The following RALYL variants were observed in gnomAD, a reference collection of about 807,000 sequenced individuals.
RALYL encodes the protein RNA-binding Raly-like protein.
Under a neutral mutation model 35.1 loss-of-function variants are expected in RALYL, and 29 were observed. That is an observed-to-expected ratio of 0.83 (90% CI 0.61 to 1.13). The LOEUF is 1.13. RALYL is among the 50% of genes most tolerant of loss of function. The pLI is 0.00. For missense variants in RALYL, 359 were observed against 360.4 expected, an observed-to-expected ratio of 1.00 and a Z score of 0.03; for synonymous variants, 120 against 127.6, an observed-to-expected ratio of 0.94 and a Z score of 0.40.
intron 1 of RALYL, among the ~76,000 whole-genome samples, chr8:84,497,866 C>T (rs181782256): frequency 1.4e-4 from 22 of 151,730 alleles, no homozygotes; most frequent in Non-Finnish European, 2.8e-4. Flanking sequence ...TGTTCTCGAT[C>T]TCCTGACCTT....
At chr8:84,766,258 G>T (rs1813930717) in intron 2 of RALYL, among the ~76,000 whole-genome samples, 1 of 152,058 alleles carries the variant, frequency 6.6e-6, no homozygotes, top group African/African-American at 2.4e-5. Context: ...CTAAATTCAT[G>T]TATATGTAAG....
intron 2 of RALYL, among the ~76,000 whole-genome samples, chr8:84,571,290 T>G (rs1242391664): frequency 2.6e-5 from 4 of 151,820 alleles, no homozygotes; most frequent in African/African-American, 9.7e-5. Flanking sequence ...TTCAATTTTA[T>G]TACTCATTAT....
chr8:84,452,258 C>G (rs1463832636), intron 1 of RALYL, among the ~76,000 whole-genome samples: 1 of 150,006 alleles, frequency 6.7e-6, no homozygotes, highest in Non-Finnish European at 1.5e-5. Context: ...CCCTAAGTTG[C>G]TAACTAGAGC....
At chr8:84,416,517 G>A (rs2044719790) in intron 1 of RALYL, among the ~76,000 whole-genome samples, 2 of 152,012 alleles carry the variant, frequency 1.3e-5, no homozygotes, top group Admixed American at 6.6e-5. Flanking sequence ...TCAAGGAACT[G>A]AAAGAAAAAG....
In RALYL at chr8:84,887,586, G is replaced by T. The variant is rs1843106475; in HGVS notation, c.686-18G>T. ...GAGCAACCCAAGGTAGTAGTCATTT[G>T]CTTTCTCCCCCCCCCAGAAGCTCAG... On this transcript the variant is annotated intron_variant, in intron 7 of 8. Transcript: ENST00000521268. The T allele has an allele frequency of 6.4e-7, 1 of 1,559,730 alleles. No homozygotes were observed.
At chr8:84,235,479 G>A (rs921581504) in intron 1 of RALYL, among the ~76,000 whole-genome samples, 1 of 152,278 alleles carries the variant, frequency 6.6e-6, no homozygotes, top group African/African-American at 2.4e-5. Context: ...ACCATTTCTT[G>A]TTGCTGTAAT....
At chr8:84,446,934 T>C (rs1005437012) in intron 1 of RALYL, among the ~76,000 whole-genome samples, 5 of 152,114 alleles carry the variant, frequency 3.3e-5, no homozygotes, top group South Asian at 2.1e-4. Flanking sequence ...AAATTGTTAA[T>C]ATTTTTTATT....
intron 1 of RALYL, among the ~76,000 whole-genome samples, chr8:84,258,726 G>T (rs1444772393): frequency 1.3e-5 from 2 of 152,042 alleles, no homozygotes; most frequent in African/African-American, 2.4e-5. Flanking sequence ...TTTTACCAGG[G>T]TGATATTGGG....
chr8:84,881,781 G>A (rs149766455), intron 7 of RALYL, among the ~76,000 whole-genome samples: 1 of 151,972 alleles, frequency 6.6e-6, no homozygotes, highest in East Asian at 1.9e-4. Context: ...ACTAGAACAT[G>A]TGCCCCTAAC....
chr8:84,533,564 G>A (rs990625795), intron 2 of RALYL, among the ~76,000 whole-genome samples: 5 of 152,200 alleles, frequency 3.3e-5, no homozygotes, highest in African/African-American at 9.6e-5. Flanking sequence ...GAAGCCAGCT[G>A]TGGATAGTAG....
intron 2 of RALYL, among the ~76,000 whole-genome samples, chr8:84,593,664 G>A (rs1198380640): frequency 6.6e-6 from 1 of 151,990 alleles, no homozygotes; most frequent in Non-Finnish European, 1.5e-5. Flanking sequence ...CTGTACATAG[G>A]CCATTTATAA....
intron 2 of RALYL, among the ~76,000 whole-genome samples, chr8:84,770,245 C>T (rs115381296): frequency 0.011 from 1,618 of 151,936 alleles, 32 homozygotes; most frequent in African/African-American, 0.037. Context: ...CATTCTTATG[C>T]CTTCATATCT....
intron 1 of RALYL, among the ~76,000 whole-genome samples, chr8:84,413,896 A>G (rs1247738836): frequency 6.6e-6 from 1 of 152,024 alleles, no homozygotes; most frequent in Non-Finnish European, 1.5e-5. Flanking sequence ...TGGATGATAT[A>G]ATTTATTACT....
At chr8:84,397,122 A>G (rs2131891406) in intron 1 of RALYL, among the ~76,000 whole-genome samples, 1 of 152,284 alleles carries the variant, frequency 6.6e-6, no homozygotes, top group South Asian at 2.1e-4. Context: ...CAACAGTGGC[A>G]GAGGCCGGGG....
intron 1 of RALYL, among the ~76,000 whole-genome samples, chr8:84,343,483 T>C (rs1328635342): frequency 6.6e-6 from 1 of 152,162 alleles, no homozygotes; most frequent in Non-Finnish European, 1.5e-5. Context: ...TCTTATATTT[T>C]ACAGTTGAAA....
intron 2 of RALYL, among the ~76,000 whole-genome samples, chr8:84,707,241 T>C (rs1011480263): frequency 1.3e-5 from 2 of 152,176 alleles, no homozygotes; most frequent in Non-Finnish European, 2.9e-5. Flanking sequence ...CAGTTCTTTC[T>C]TGTGATAAAG....
chr8:84,802,885 G>A (rs766352702), intron 3 of RALYL, among the ~76,000 whole-genome samples: 1 of 152,114 alleles, frequency 6.6e-6, no homozygotes, highest in South Asian at 2.1e-4. Context: ...TGAAAACCAG[G>A]CTGGGAATGG....
intron 1 of RALYL, among the ~76,000 whole-genome samples, chr8:84,450,638 T>C (rs974219577): frequency 6.6e-6 from 1 of 152,042 alleles, no homozygotes; most frequent in Non-Finnish European, 1.5e-5. Flanking sequence ...AATTGCTTTT[T>C]TGAAGACCTA....
intron 1 of RALYL, among the ~76,000 whole-genome samples, chr8:84,230,660 C>T (rs1006146237): frequency 6.6e-6 from 1 of 152,160 alleles, no homozygotes; most frequent in African/African-American, 2.4e-5. Flanking sequence ...CTACTATGGA[C>T]ACTACTTGTT....
Sources: gnomAD v4.1 joint callset for allele counts (sites outside exome capture counted in the v4.1 genomes callset) on GRCh38, gnomAD v4.1.1 for gene constraint, MANE v1.5 for transcripts, NCBI Gene and HGNC (gene_info 2026-07-23, HGNC 2026-07-21) for gene names.